The following PRCC variants were observed in gnomAD, a reference collection of about 807,000 sequenced individuals.
PRCC encodes proline rich mitotic checkpoint control factor.
A neutral mutation model predicts 44.0 loss-of-function variants in PRCC; 10 were observed. The observed-to-expected ratio is 0.23, with a 90% CI of 0.14 to 0.39. The LOEUF (loss-of-function observed/expected upper bound fraction) is 0.39, where lower values mean the gene tolerates loss of function less well. Among genes scored for constraint, PRCC ranks in the 10% least tolerant of loss-of-function variants. The probability of loss-of-function intolerance (pLI) is 1.00; values close to 1 mark genes in which losing one functional copy is unlikely to be tolerated. For missense variants in PRCC, 573 were observed against 624.7 expected, an observed-to-expected ratio of 0.92 and a Z score of 0.88; for synonymous variants, 278 against 259.5, an observed-to-expected ratio of 1.07 and a Z score of -0.69.
intron 2 of PRCC, 45 bp downstream of exon 2, chr1:156,782,374 T>A: frequency 2.6e-6 from 4 of 1,523,828 alleles, no homozygotes; most frequent in Non-Finnish European, 3.6e-6. Context: ...TCCTGTATTA[T>A]TTCCTCAAAG....
intron 1 of PRCC, among the ~76,000 whole-genome samples, chr1:156,781,160 C>T (rs996731681): frequency 3.3e-5 from 5 of 152,192 alleles, no homozygotes; most frequent in Admixed American, 2.0e-4. Flanking sequence ...GGAAATGGTC[C>T]AGACTGAGAC....
intron 3 of PRCC, among the ~76,000 whole-genome samples, chr1:156,789,774 A>G (rs1652412334): frequency 6.6e-6 from 1 of 152,238 alleles, no homozygotes; most frequent in African/African-American, 2.4e-5. Context: ...CGTTGCTAAA[A>G]TAATTACATT....
At chr1:156,775,496 A>T (rs1014103503) in intron 1 of PRCC, among the ~76,000 whole-genome samples, 2 of 149,654 alleles carry the variant, frequency 1.3e-5, no homozygotes, top group African/African-American at 2.4e-5. Flanking sequence ...GATTACAGGC[A>T]CATGGCCGAT....
At chr1:156,798,316 CT>C (rs929794752) in intron 6 of PRCC, among the ~76,000 whole-genome samples, 1 of 151,866 alleles carries the variant, frequency 6.6e-6, no homozygotes, top group Non-Finnish European at 1.5e-5. Context: ...CACAAATTTC[CT>C]TTTTTTTGAG....
Position 156,787,483 on chromosome 1 carries a change from ATATATATATATATATC to A in PRCC, c.1083+311_1083+326del, listed in dbSNP as rs1290192710. Among the ~76,000 whole-genome samples the A allele has an allele frequency of 9.1e-3, 91 of 9,948 alleles. 1 individual carries two copies. Among genetic ancestry groups the A allele is most frequent in the African/African-American group, 0.016 (82 of 5,106 alleles). The allele number at this position is 9,948 out of a possible 152,430, so 6.5% of individuals were successfully genotyped here. ...TATATATATATATATATATATATAT[ATATATATATATATATC>A]TGTTTTTTTTTCTTCCTAACCTTTA... On this transcript the variant is annotated intron_variant, in intron 3 of 6. Coordinates refer to ENST00000271526, the MANE Select transcript of PRCC (RefSeq NM_005973.5).
chr1:156,795,285 G>GTTTTTTTTTTTT lies in PRCC; in HGVS notation c.1323+490_1323+501dup, dbSNP rs35911411. Among the ~76,000 whole-genome samples, 33 of 36,058 alleles carry GTTTTTTTTTTTT rather than the reference G, an allele frequency of 9.2e-4. 8 individuals carry two copies. The highest frequency in any genetic ancestry group is 4.0e-3 in the South Asian group (2 of 498). 23.7% of individuals were successfully genotyped at this position (36,058 alleles called of 152,430 possible). A position where few individuals can be genotyped will look rare whatever the true frequency, so the allele number is the denominator to read the frequency against. ...CTTCCAATTGTTTTCATTTTCTGGT[G>GTTTTTTTTTTTT]TTTTTTTTTTTTTTTTTTTTTTTTC... On this transcript the variant is annotated intron_variant, in intron 5 of 6. Coordinates refer to ENST00000271526, the MANE Select transcript of PRCC (RefSeq NM_005973.5).
At chr1:156,796,484 TGGA>T (rs1179891181) in intron 5 of PRCC, 2 of 152,058 alleles carry the variant, frequency 1.3e-5, no homozygotes, top group Non-Finnish European at 2.9e-5. Flanking sequence ...GGGAGTTGGG[TGGA>T]GATGATTAGG....
At position 156,786,780 on chromosome 1, in the gene PRCC, C is replaced by T. The variant is rs1411842850; in HGVS notation, c.689C>T (p.Ala230Val). 1.2e-6 allele frequency: 2 copies of T among 1,614,220 alleles called. No homozygotes were observed. Among genetic ancestry groups the T allele is most frequent in the South Asian group, 2.2e-5 (2 of 91,084 alleles). Residue 230 changes from alanine (A) to valine (V), a missense_variant, in exon 3 of 7, where the codon GCC becomes GTC. Ala to Val is a moderately conservative substitution (Grantham distance 64, BLOSUM62 0). Around this residue, in one of 4 missense-constraint regions of PRCC, gnomAD observed 118 missense variants for 166.7 expected, o/e 0.71. Coordinates refer to ENST00000271526, the MANE Select transcript of PRCC (RefSeq NM_005973.5). ...TCTAAGACCAAGACTTCCTCTCTTG[C>T]CCCTGTTGTGGGCACCACAACCACC... ...LASKTKTSSLAPVVGTTTTTP... is the reference protein window; with the variant it reads ...LASKTKTSSLVPVVGTTTTTP...
chr1:156,779,122 ATATATATTTTTTTT>A (rs1651942295), intron 1 of PRCC, among the ~76,000 whole-genome samples: 1 of 19,726 alleles, frequency 5.1e-5, no homozygotes, highest in South Asian at 2.1e-3. Flanking sequence ...ATATATATAT[ATATATATTTTTTTT>A]TTTTTTTTTT....
At chr1:156,769,057 AGT>A (rs1214416146) in intron 1 of PRCC, among the ~76,000 whole-genome samples, 2 of 152,254 alleles carry the variant, frequency 1.3e-5, no homozygotes, top group Non-Finnish European at 2.9e-5. Context: ...AGGCTCCTGG[AGT>A]GAGGGCTTTG....
At chr1:156,783,204 C>T (rs960825271) in intron 2 of PRCC, among the ~76,000 whole-genome samples, 82 of 152,154 alleles carry the variant, frequency 5.4e-4, no homozygotes, top group Non-Finnish European at 2.2e-4. Context: ...CGCGCCTGGC[C>T]AGTCTGACTG....
chr1:156,796,081 A>G (rs1368295296), intron 5 of PRCC: 1 of 152,244 alleles, frequency 6.6e-6, no homozygotes, highest in Non-Finnish European at 1.5e-5. Flanking sequence ...GCATAGATCC[A>G]TCACTGTTTA....
chr1:156,781,729 C>G (rs893469197), intron 1 of PRCC, among the ~76,000 whole-genome samples: 1 of 152,190 alleles, frequency 6.6e-6, no homozygotes, highest in African/African-American at 2.4e-5. Flanking sequence ...GACAATAGAT[C>G]ATACTTGGAG....
At chr1:156,795,690 A>G (rs762863646) in intron 5 of PRCC, 5 of 152,158 alleles carry the variant, frequency 3.3e-5, no homozygotes, top group Admixed American at 6.5e-5. Context: ...CTGAGCATGC[A>G]ACTCTTCTGT....
At position 156,767,672 on chromosome 1, in the gene PRCC, C is replaced by G. The variant is rs2102747280; in HGVS notation, c.-100C>G. 1 of 1,292,764 alleles carries G rather than the reference C, an allele frequency of 7.7e-7. No homozygotes were observed. Among genetic ancestry groups the G allele is most frequent in the East Asian group, 2.5e-5 (1 of 39,358 alleles). The allele number at this position is 1,292,764 out of a possible 1,614,324, so 80.1% of individuals were successfully genotyped here. On this transcript the variant is annotated 5_prime_UTR_variant, in exon 1 of 7. Coordinates refer to ENST00000271526, the MANE Select transcript of PRCC (RefSeq NM_005973.5). ...ACGGAGCAGGCGGACTTTTCGGTTC[C>G]CCGCCCCGCCAGGTGGCGGGGCCTA...
At chr1:156,783,821 T>C (rs1652136320) in intron 2 of PRCC, among the ~76,000 whole-genome samples, 1 of 151,988 alleles carries the variant, frequency 6.6e-6, no homozygotes, top group African/African-American at 2.4e-5. Context: ...GGCTGTCTTG[T>C]GATTCAAGTG....
chr1:156,798,066 C>T (rs1390811777), intron 6 of PRCC, among the ~76,000 whole-genome samples: 2 of 151,680 alleles, frequency 1.3e-5, no homozygotes, highest in East Asian at 1.9e-4. Context: ...ACCTCAGTCT[C>T]CTAAGTAGCT....
Position 156,786,923 on chromosome 1 carries a change from T to TCCCTCC in PRCC, c.834_839dup (p.Leu279_Pro280dup). ...GGAAGTAGCCCCCGAAAACTTTTTC[T>TCCCTCC]CCCTCCCTGAAAAGGCTGAGCCACC... On this transcript the variant is annotated inframe_insertion, in exon 3 of 7. Coordinates refer to ENST00000271526, the MANE Select transcript of PRCC (RefSeq NM_005973.5). 12 of 1,614,128 alleles carry TCCCTCC rather than the reference T, an allele frequency of 7.4e-6. No homozygotes were observed. Among genetic ancestry groups the TCCCTCC allele is most frequent in the Non-Finnish European group, 1.0e-5 (12 of 1,180,028 alleles).
intron 1 of PRCC, among the ~76,000 whole-genome samples, chr1:156,770,299 T>C (rs538319869): frequency 6.6e-4 from 101 of 152,368 alleles, no homozygotes; most frequent in Admixed American, 1.4e-3. Context: ...AGTTGGTCTT[T>C]TGGTTCTCGG....
Sources: allele counts gnomAD v4.1 joint callset (sites outside exome capture counted in the v4.1 genomes callset), GRCh38; gene constraint gnomAD v4.1.1; regional missense constraint gnomAD v4.1.1; transcripts MANE v1.5; gene names NCBI Gene and HGNC (gene_info 2026-07-23, HGNC 2026-07-21).